Variants in PRKCE observed in about 807,000 individuals in gnomAD.
The protein encoded by PRKCE is protein kinase C epsilon type.
PRKCE carries 16 observed loss-of-function variants against 85.4 expected under a neutral mutation model. That is an observed-to-expected ratio of 0.19 (90% CI 0.13 to 0.28). The LOEUF (loss-of-function observed/expected upper bound fraction) is 0.28. Among genes scored for constraint, PRKCE ranks in the 10% least tolerant of loss-of-function variants. The pLI is 1.00. For synonymous variants in PRKCE, 388 were observed against 371.5 expected (o/e 1.04, Z -0.51); for missense variants, 573 against 975.2 (o/e 0.59, Z 5.49).
intron 11 of PRKCE, among the ~76,000 whole-genome samples, chr2:46,090,719 G>GT (rs147351100): frequency 0.024 from 3,656 of 152,164 alleles, 98 homozygotes; most frequent in East Asian, 0.11. Flanking sequence ...TGTGGTCTGT[G>GT]TTCCCATGCT....
At chr2:45,749,581 T>G (rs1683388712) in intron 1 of PRKCE, among the ~76,000 whole-genome samples, 1 of 152,210 alleles carries the variant, frequency 6.6e-6, no homozygotes, top group Non-Finnish European at 1.5e-5. Flanking sequence ...AATCATACAA[T>G]GTGGATTGCA....
intron 10 of PRKCE, among the ~76,000 whole-genome samples, chr2:46,038,907 T>C (rs1708049454): frequency 6.6e-6 from 1 of 152,224 alleles, no homozygotes; most frequent in South Asian, 2.1e-4. Context: ...AGGTTGGGAA[T>C]CAGACCTTAC....
intron 2 of PRKCE, among the ~76,000 whole-genome samples, chr2:45,909,370 T>C (rs991900652): frequency 1.3e-5 from 2 of 152,184 alleles, no homozygotes; most frequent in Non-Finnish European, 2.9e-5. Context: ...AGAGCTGATA[T>C]TAACAATTCA....
intron 14 of PRKCE, among the ~76,000 whole-genome samples, chr2:46,167,185 A>C (rs957777375): frequency 6.6e-6 from 1 of 152,176 alleles, no homozygotes; most frequent in Admixed American, 6.5e-5. Context: ...TGGGCTTTGG[A>C]ATCAGATGCA....
At chr2:45,728,410 A>G (rs972562933) in intron 1 of PRKCE, among the ~76,000 whole-genome samples, 6 of 152,180 alleles carry the variant, frequency 3.9e-5, no homozygotes, top group African/African-American at 1.4e-4. Context: ...ATGCCATTTC[A>G]CTGGCCCCTT....
At chr2:45,721,003 A>C (rs1680574878) in intron 1 of PRKCE, among the ~76,000 whole-genome samples, 1 of 152,106 alleles carries the variant, frequency 6.6e-6, no homozygotes, top group South Asian at 2.1e-4. Flanking sequence ...GCTACTTGGG[A>C]GGCTGAGGCA....
rs571125059 is a variant in PRKCE, at chr2:45,930,877, T to C, written c.413-45552T>C. 1.3e-5 allele frequency among the ~76,000 whole-genome samples: 2 copies of C among 152,270 alleles called. 1 individual carries two copies. The highest frequency in any genetic ancestry group is 4.2e-4 in the South Asian group (2 of 4,814). ...TTGGCTTTAGGAAGGTTCGAGGAGA[T>C]AAAAGCAGTCAGATTCTTCCTTGCT... On this transcript the variant is annotated intron_variant, in intron 2 of 14. Coordinates refer to ENST00000306156, the MANE Select transcript of PRKCE (RefSeq NM_005400.3).
At chr2:46,012,467 A>G (rs1324188869) in intron 10 of PRKCE, among the ~76,000 whole-genome samples, 5 of 152,104 alleles carry the variant, frequency 3.3e-5, no homozygotes, top group Admixed American at 2.6e-4. Flanking sequence ...TCTGATTCAC[A>G]TTGCTAGTTT....
chr2:46,057,457 C>T (rs760222393), intron 10 of PRKCE, among the ~76,000 whole-genome samples: 9 of 147,706 alleles, frequency 6.1e-5, no homozygotes, highest in Admixed American at 3.4e-4. Context: ...TTTTTTGAGT[C>T]GGAGTTTTGC....
At chr2:46,181,413 A>C (rs1679965406) in intron 14 of PRKCE, among the ~76,000 whole-genome samples, 1 of 152,192 alleles carries the variant, frequency 6.6e-6, no homozygotes, top group South Asian at 2.1e-4. Flanking sequence ...GGGTGAGCCA[A>C]GTCTGTAACG....
Position 46,073,437 on chromosome 2 carries a change from A to C in PRKCE, c.1438-12771A>C, listed in dbSNP as rs116635678. 9.6e-4 allele frequency: 146 copies of C among 151,530 alleles called. 2 individuals are homozygous for C. Among genetic ancestry groups the C allele is most frequent in the African/African-American group, 3.3e-3 (137 of 41,272 alleles). The allele number at this position is 151,530 out of a possible 1,614,324, so 9.4% of individuals were successfully genotyped here. On this transcript the variant is annotated intron_variant, in intron 10 of 14. Coordinates refer to ENST00000306156, the MANE Select transcript of PRKCE (RefSeq NM_005400.3). Reference sequence around the variant, plus strand: ...TTGTCTGATACTTATTTGCCCATTCATTCAGTTCAGACTGCCAGTCTCCTC... The same window carrying C: ...TTGTCTGATACTTATTTGCCCATTCCTTCAGTTCAGACTGCCAGTCTCCTC...
At chr2:45,863,941 G>C (rs2105684143) in intron 2 of PRKCE, among the ~76,000 whole-genome samples, 1 of 152,306 alleles carries the variant, frequency 6.6e-6, no homozygotes, top group African/African-American at 2.4e-5. Context: ...AAAGGCCATA[G>C]AGGTTGCAAG....
At chr2:45,844,264 A>G (rs1463685194) in intron 2 of PRKCE, among the ~76,000 whole-genome samples, 2 of 152,224 alleles carry the variant, frequency 1.3e-5, no homozygotes, top group Non-Finnish European at 1.5e-5. Context: ...GATCCCAATT[A>G]TTTGGCATAG....
chr2:45,803,016 A>G (rs1304112711), intron 1 of PRKCE, among the ~76,000 whole-genome samples: 1 of 152,238 alleles, frequency 6.6e-6, no homozygotes, highest in African/African-American at 2.4e-5. Context: ...GGCTCACAGT[A>G]TGAAAGGTAT....
At chr2:45,904,453 CTT>C (rs1696820373) in intron 2 of PRKCE, among the ~76,000 whole-genome samples, 1 of 152,080 alleles carries the variant, frequency 6.6e-6, no homozygotes, top group Non-Finnish European at 1.5e-5. Flanking sequence ...AGAACACAGA[CTT>C]ATATCACATG....
In PRKCE at chr2:45,956,536, T is replaced by A. The variant is rs1229036355; in HGVS notation, c.413-19893T>A. Among the ~76,000 whole-genome samples the A allele has an allele frequency of 6.0e-5, 9 of 149,594 alleles. No homozygotes were observed. In the East Asian group the frequency reaches 9.8e-4, roughly 16 times the overall value. The stretch of plus-strand genomic sequence containing the variant: ...TCTCTACTAAGAAAAAAAAAAAAAA[T>A]TAGCCAGGTGTGGTGGCATGCACCT... On this transcript the variant is annotated intron_variant, in intron 2 of 14. Transcript: ENST00000306156.
At chr2:45,720,023 C>A (rs990581533) in intron 1 of PRKCE, among the ~76,000 whole-genome samples, 3 of 152,098 alleles carry the variant, frequency 2.0e-5, no homozygotes, top group Non-Finnish European at 4.4e-5. Context: ...TGCTGGAGTC[C>A]CTTCCCAGTG....
chr2:45,839,355 C>T (rs910395997), intron 1 of PRKCE, among the ~76,000 whole-genome samples: 3 of 145,330 alleles, frequency 2.1e-5, no homozygotes, highest in Admixed American at 6.9e-5. Flanking sequence ...GCTTCTGGCC[C>T]GTGCTGGAGG....
rs187039340 is a variant in PRKCE at position 45,783,035 on chromosome 2, C to T, written c.349-59965C>T. The stretch of plus-strand genomic sequence containing the variant: ...TCAAGATAATCAATTTATTTTCATG[C>T]GCCTTCCCCGTCCAAATTGGATTAT... On this transcript the variant is annotated intron_variant, in intron 1 of 14. Transcript: ENST00000306156. Among the ~76,000 whole-genome samples the T allele has an allele frequency of 2.7e-4, 41 of 152,270 alleles. No individual in the cohort carries two copies. The East Asian group carries it at 2.7e-3, about 10-fold the overall frequency.
Sources: gnomAD v4.1 joint callset for allele counts (sites outside exome capture counted in the v4.1 genomes callset) on GRCh38, gnomAD v4.1.1 for gene constraint, MANE v1.5 for transcripts, NCBI Gene and HGNC (gene_info 2026-07-23, HGNC 2026-07-21) for gene names.